Variants in GRID2 observed in about 807,000 individuals in gnomAD.
The protein encoded by GRID2 is glutamate ionotropic receptor delta type subunit 2.
Under a neutral mutation model 114.8 loss-of-function variants are expected in GRID2, and 33 were observed. The ratio of observed to expected loss-of-function variants is 0.29; its 90% CI spans 0.22 to 0.38. The LOEUF (loss-of-function observed/expected upper bound fraction) is 0.38. Ranked by LOEUF, GRID2 falls within the 10% of genes least tolerant of loss-of-function variation. The pLI, the probability that GRID2 is intolerant of heterozygous loss-of-function variation, is 1.00. For synonymous variants in GRID2, 505 were observed against 449.9 expected, an observed-to-expected ratio of 1.12 and a Z score of -1.55; for missense variants, 1,184 against 1,257.7, an observed-to-expected ratio of 0.94 and a Z score of 0.89.
At chr4:92,312,085 G>T (rs946148896) in intron 1 of GRID2, among the ~76,000 whole-genome samples, 1 of 151,894 alleles carries the variant, frequency 6.6e-6, no homozygotes, top group Non-Finnish European at 1.5e-5. Flanking sequence ...AGAGGATATA[G>T]CAAGAATGAC....
At chr4:93,071,918 A>G (rs187847794) in intron 2 of GRID2, among the ~76,000 whole-genome samples, 29 of 152,342 alleles carry the variant, frequency 1.9e-4, no homozygotes, top group Non-Finnish European at 1.8e-4. Context: ...TTTCTAATCA[A>G]AACTACTACT....
In GRID2 at chr4:92,568,708, A is replaced by T. The variant is rs372462375; in HGVS notation, c.89-21423A>T. On this transcript the variant is annotated intron_variant, in intron 1 of 15. Coordinates refer to ENST00000282020, the MANE Select transcript of GRID2 (RefSeq NM_001510.4). ...TAGTACCCATTAGTTACATTTTCTG[A>T]TCCTCTCCCTCTTCCCACCTTCACC... Among the ~76,000 whole-genome samples, 143 of 151,848 alleles carry T rather than the reference A, an allele frequency of 9.4e-4. 1 individual carries two copies. The highest frequency in any genetic ancestry group is 3.2e-3 in the African/African-American group (131 of 41,450).
intron 14 of GRID2, among the ~76,000 whole-genome samples, chr4:93,700,621 C>T (rs1727426727): frequency 1.3e-5 from 2 of 152,104 alleles, no homozygotes; most frequent in African/African-American, 4.8e-5. Context: ...GTTCCTCTCT[C>T]TTTTTCTCAC....
intron 4 of GRID2, among the ~76,000 whole-genome samples, chr4:93,146,948 A>G (rs1025126314): frequency 6.6e-6 from 1 of 152,258 alleles, no homozygotes; most frequent in Non-Finnish European, 1.5e-5. Flanking sequence ...TTCTTACATA[A>G]TTTTCTAAAC....
intron 13 of GRID2, among the ~76,000 whole-genome samples, chr4:93,530,454 A>G (rs1414998148): frequency 2.0e-5 from 3 of 152,006 alleles, no homozygotes; most frequent in African/African-American, 7.3e-5. Flanking sequence ...TTTGTCTTAT[A>G]CTCTGCAATG....
rs930337791 is a variant in GRID2, at chr4:92,608,475, G to C, written c.244+18189G>C. On this transcript the variant is annotated intron_variant, in intron 2 of 15. Coordinates refer to ENST00000282020, the MANE Select transcript of GRID2 (RefSeq NM_001510.4). The stretch of plus-strand genomic sequence containing the variant: ...AAATAATTATTCTACATCTTCAATG[G>C]AGTAATTGCTTTTCACATTAAAGAA... Among the ~76,000 whole-genome samples the C allele has an allele frequency of 7.2e-5, 11 of 151,804 alleles. 1 individual carries two copies. The highest frequency in any genetic ancestry group is 2.9e-5 in the Non-Finnish European group (2 of 67,876).
At chr4:93,017,476 A>G (rs901620801) in intron 2 of GRID2, among the ~76,000 whole-genome samples, 13 of 152,106 alleles carry the variant, frequency 8.5e-5, no homozygotes, top group Admixed American at 1.3e-4. Flanking sequence ...GTGATAAAAT[A>G]CTTAATAATC....
At chr4:92,658,759 C>T (rs1306630748) in intron 2 of GRID2, among the ~76,000 whole-genome samples, 2 of 146,550 alleles carry the variant, frequency 1.4e-5, no homozygotes, top group African/African-American at 5.0e-5. Flanking sequence ...TTTTGAACTA[C>T]AATGAATGTG....
At chr4:92,386,675 T>C (rs953524496) in intron 1 of GRID2, among the ~76,000 whole-genome samples, 7 of 151,880 alleles carry the variant, frequency 4.6e-5, no homozygotes, top group Admixed American at 2.0e-4. Context: ...TAAAGACATC[T>C]GTATTGCTTC....
At chr4:92,422,716 C>T (rs561077053) in intron 1 of GRID2, among the ~76,000 whole-genome samples, 1 of 152,186 alleles carries the variant, frequency 6.6e-6, no homozygotes, top group South Asian at 2.1e-4. Flanking sequence ...GCAAGCAGTT[C>T]AGGGAGGGTC....
intron 1 of GRID2, among the ~76,000 whole-genome samples, chr4:92,443,336 T>A (rs1039953705): frequency 6.6e-6 from 1 of 151,994 alleles, no homozygotes; most frequent in East Asian, 1.9e-4. Context: ...CAGAAGAAAA[T>A]AAGGCATTTA....
At chr4:93,228,176 G>A (rs139769269) in intron 7 of GRID2, among the ~76,000 whole-genome samples, 4 of 152,050 alleles carry the variant, frequency 2.6e-5, no homozygotes, top group East Asian at 1.9e-4. Flanking sequence ...CATGGACTTC[G>A]TAGTTTATTA....
rs186050214 is a variant in GRID2, at chr4:92,401,807, C to T, written c.88+97063C>T. Among the ~76,000 whole-genome samples the T allele has an allele frequency of 4.9e-3, 738 of 152,164 alleles. 6 individuals carry two copies. The highest frequency in any genetic ancestry group is 0.017 in the African/African-American group (692 of 41,530). ...TAGTGGTTGCTGATGGTTAGGGTGG[C>T]TGTGGGAATTTCTTAGCATAAGAAA... is the stretch of plus-strand genomic sequence containing the variant. On this transcript the variant is annotated intron_variant, in intron 1 of 15. Coordinates refer to ENST00000282020, the MANE Select transcript of GRID2 (RefSeq NM_001510.4).
intron 2 of GRID2, among the ~76,000 whole-genome samples, chr4:93,057,949 G>T (rs1184975288): frequency 6.6e-6 from 1 of 151,872 alleles, no homozygotes; most frequent in Non-Finnish European, 1.5e-5. Context: ...GAAGTAAAAT[G>T]ACATTAAAAG....
chr4:92,718,626 G>A (rs2149315617), intron 2 of GRID2, among the ~76,000 whole-genome samples: 1 of 151,812 alleles, frequency 6.6e-6, no homozygotes, highest in South Asian at 2.1e-4. Context: ...AGCTAGACAT[G>A]ATGTTGCATG....
intron 14 of GRID2, among the ~76,000 whole-genome samples, chr4:93,702,536 TA>T (rs902592683): frequency 1.3e-5 from 2 of 151,942 alleles, no homozygotes; most frequent in African/African-American, 2.4e-5. Context: ...ACCATAATGC[TA>T]AAAAAAATTA....
intron 14 of GRID2, among the ~76,000 whole-genome samples, chr4:93,726,396 T>A (rs1440397458): frequency 6.6e-6 from 1 of 152,196 alleles, no homozygotes; most frequent in Non-Finnish European, 1.5e-5. Context: ...AGCCTTGTAG[T>A]ATAGTTTGAA....
At chr4:92,688,058 T>TTTTTTTTTTTTTTTTTTTTTTA in intron 2 of GRID2, among the ~76,000 whole-genome samples, 1 of 129,530 alleles carries the variant, frequency 7.7e-6, no homozygotes, top group Non-Finnish European at 1.6e-5. Flanking sequence ...TTTTTTTTTT[T>TTTTTTTTTTTTTTTTTTTTTTA]TTTTTTTTGG....
intron 2 of GRID2, among the ~76,000 whole-genome samples, chr4:92,936,887 T>C (rs1174802419): frequency 6.8e-6 from 1 of 146,756 alleles, no homozygotes; most frequent in African/African-American, 2.4e-5. Context: ...CCCCCATAGT[T>C]GGTATGAAGT....
Sources: gnomAD v4.1 joint callset for allele counts (sites outside exome capture counted in the v4.1 genomes callset) on GRCh38, gnomAD v4.1.1 for gene constraint, MANE v1.5 for transcripts, NCBI Gene and HGNC (gene_info 2026-07-23, HGNC 2026-07-21) for gene names.